The following PCDHA7 variants were observed in gnomAD, a reference collection of about 807,000 sequenced individuals.
PCDHA7 encodes the protein protocadherin alpha-7.
In PCDHA7, 37 loss-of-function variants were observed where a neutral mutation model predicts 57.2. The ratio of observed to expected loss-of-function variants is 0.65; its 90% CI spans 0.50 to 0.85. The LOEUF is 0.85. Ranked by LOEUF, PCDHA7 falls within the 40% of genes least tolerant of loss-of-function variation. The pLI, the probability that PCDHA7 is intolerant of heterozygous loss-of-function variation, is 0.00. For synonymous variants in PCDHA7, 553 were observed against 558.8 expected (o/e 0.99, Z 0.15); for missense variants, 1,188 against 1,241.8 (o/e 0.96, Z 0.65).
chr5:140,994,190 C>G (rs1377695035), intron 3 of PCDHA7, among the ~76,000 whole-genome samples: 1 of 152,136 alleles, frequency 6.6e-6, no homozygotes, highest in Non-Finnish European at 1.5e-5. Context: ...ACCACCAGGG[C>G]CTGTTGGTCC....
intron 1 of PCDHA7, chr5:140,841,116 TA>T: frequency 1.6e-6 from 1 of 615,476 alleles, no homozygotes; most frequent in Non-Finnish European, 2.8e-6. Flanking sequence ...GTAATTCATG[TA>T]ATCATTACCT....
At chr5:140,870,426 C>T in intron 1 of PCDHA7, 2 of 1,614,208 alleles carry the variant, frequency 1.2e-6, no homozygotes, top group South Asian at 2.2e-5. Context: ...CCAGGGTATC[C>T]GTGGAGGTGG....
intron 1 of PCDHA7, among the ~76,000 whole-genome samples, chr5:140,974,881 C>A (rs191346198): frequency 6.6e-6 from 1 of 152,228 alleles, no homozygotes; most frequent in African/African-American, 2.4e-5. Flanking sequence ...GTCTATGTAT[C>A]CCTTTTCTGA....
chr5:140,972,152 A>AT (rs1203762947), intron 1 of PCDHA7, among the ~76,000 whole-genome samples: 3 of 151,770 alleles, frequency 2.0e-5, no homozygotes, highest in East Asian at 3.9e-4. Context: ...TTTTATTTTT[A>AT]TTTTTTTGAG....
rs2150237925 is a variant in PCDHA7 at position 140,835,548 on chromosome 5, C to T, written c.1165C>T (p.Leu389=). The T allele has an allele frequency of 3.1e-6, 5 of 1,613,950 alleles. No individual in the cohort carries two copies. The South Asian group carries it at 3.3e-5, about 11-fold the overall frequency. The change falls in exon 1 of 4, where the codon CTG becomes TTG. Residue 389 remains leucine, a synonymous_variant. Transcript: ENST00000525929. The stretch of plus-strand genomic sequence containing the variant: ...AGTCAACGGACAGGTTACCTGCTCC[C>T]TGACGCCCCGCGTTCCCTTCAAGTT... ...FGVNGQVTCS[L]TPRVPFKLVS...
chr5:140,866,646 A>G (rs2049474250), intron 1 of PCDHA7: 1 of 152,112 alleles, frequency 6.6e-6, no homozygotes, highest in Admixed American at 6.5e-5. Context: ...GTCAAAATTT[A>G]TTTATGTGTT....
At chr5:140,852,693 C>G in intron 1 of PCDHA7, 2 of 973,482 alleles carry the variant, frequency 2.1e-6, no homozygotes, top group Non-Finnish European at 2.5e-6. Flanking sequence ...TAGTCTTATA[C>G]TTTCAAGTAT....
Position 140,836,745 on chromosome 5 carries a change from C to T in PCDHA7, c.2355+7C>T. 6.3e-7 allele frequency: 1 copy of T among 1,588,116 alleles called. No individual in the cohort carries two copies. The highest frequency in any genetic ancestry group is 8.6e-7 in the Non-Finnish European group (1 of 1,169,492). ...TCCATCCTCTACAGACAATGTGAGTCATAAATAATCTTGTTTCCAACAATT... is the reference window on the plus strand; with the variant it reads ...TCCATCCTCTACAGACAATGTGAGTTATAAATAATCTTGTTTCCAACAATT... On this transcript the variant is annotated splice_region_variant and intron_variant, in intron 1 of 3. Coordinates refer to ENST00000525929, the MANE Select transcript of PCDHA7 (RefSeq NM_018910.3).
intron 1 of PCDHA7, chr5:140,853,385 A>C (rs2042733783): frequency 3.0e-6 from 3 of 986,050 alleles, no homozygotes; most frequent in Non-Finnish European, 3.7e-6. Flanking sequence ...AATTCAAAAC[A>C]GCCTGTCAAG....
intron 1 of PCDHA7, among the ~76,000 whole-genome samples, chr5:140,974,086 A>G (rs1554235813): frequency 2.6e-5 from 4 of 152,256 alleles, no homozygotes; most frequent in Non-Finnish European, 5.9e-5. Context: ...CATGACTTCA[A>G]AAATCAAAGG....
At chr5:140,964,699 G>A (rs2095849795) in intron 1 of PCDHA7, among the ~76,000 whole-genome samples, 1 of 151,922 alleles carries the variant, frequency 6.6e-6, no homozygotes, top group Non-Finnish European at 1.5e-5. Context: ...GAGAGATTAA[G>A]GCCTCCGAGA....
Position 140,870,071 on chromosome 5 carries a change from A to G in PCDHA7, c.2355+33333A>G, listed in dbSNP as rs782336770. Reference sequence around the variant, plus strand: ...TATAAAATTGAAGTACAGGCTACAGATAAGGGGACTCCCCCAATGGCAGGT... The same window carrying G: ...TATAAAATTGAAGTACAGGCTACAGGTAAGGGGACTCCCCCAATGGCAGGT... On this transcript the variant is annotated intron_variant, in intron 1 of 3. Coordinates refer to ENST00000525929, the MANE Select transcript of PCDHA7 (RefSeq NM_018910.3). 13 of 1,613,778 alleles carry G rather than the reference A, an allele frequency of 8.1e-6. No homozygotes were observed. The highest frequency in any genetic ancestry group is 1.3e-5 in the African/African-American group (1 of 74,950).
intron 1 of PCDHA7, chr5:140,851,237 G>C (rs782702575): frequency 3.6e-6 from 4 of 1,101,536 alleles, no homozygotes; most frequent in Non-Finnish European, 4.6e-6. Flanking sequence ...TTTATTTATT[G>C]CTAAATGATG....
chr5:140,919,424 T>G (rs1222822099), intron 1 of PCDHA7, among the ~76,000 whole-genome samples: 7 of 152,218 alleles, frequency 4.6e-5, no homozygotes, highest in Non-Finnish European at 2.9e-5. Context: ...CAATTCTGCC[T>G]TTTGATTGGG....
Position 141,009,659 on chromosome 5 carries a change from G to A in PCDHA7, c.2536G>A (p.Gly846Ser), listed in dbSNP as rs781996586. 3.0e-5 allele frequency: 48 copies of A among 1,613,808 alleles called. No individual in the cohort carries two copies. Among genetic ancestry groups the A allele is most frequent in the East Asian group, 4.5e-5 (2 of 44,878 alleles). The change falls in exon 4 of 4, where the codon GGT becomes AGT. Residue 846 changes from glycine (G) to serine (S), a missense_variant. Coordinates refer to ENST00000525929, the MANE Select transcript of PCDHA7 (RefSeq NM_018910.3). ...GGCAGGAGAAGTGTCCCCTCCAGTC[G>A]GTGCGGGTGTCAACAGCAACAGCTG... is the stretch of plus-strand genomic sequence containing the variant. ...PEAGEVSPPV[G>S]AGVNSNSWTF...
At chr5:140,929,554 C>T (rs899446101) in intron 1 of PCDHA7, 4 of 488,414 alleles carry the variant, frequency 8.2e-6, no homozygotes, top group Non-Finnish European at 1.4e-5. Context: ...AAAATTAAAA[C>T]CTATTTAAGA....
In PCDHA7 at chr5:140,938,408, G is replaced by A. The variant is rs115039361; in HGVS notation, c.2356-40541G>A. Among the ~76,000 whole-genome samples, 826 of 151,992 alleles carry A rather than the reference G, an allele frequency of 5.4e-3. 3 individuals are homozygous for A. The highest frequency in any genetic ancestry group is 0.019 in the African/African-American group (797 of 41,474). ...TAATATGAAATACATTGTTTGATTG[G>A]GTTTATTTGCAAAAATCCTTTATCA... On this transcript the variant is annotated intron_variant, in intron 1 of 3. Coordinates refer to ENST00000525929, the MANE Select transcript of PCDHA7 (RefSeq NM_018910.3).
At chr5:140,966,950 G>A (rs782713044) in intron 1 of PCDHA7, 3 of 1,603,480 alleles carry the variant, frequency 1.9e-6, no homozygotes, top group Non-Finnish European at 2.5e-6. Flanking sequence ...GGGCAACGTG[G>A]CTCGCGCGCT....
At chr5:140,925,978 T>G (rs2082847274) in intron 1 of PCDHA7, among the ~76,000 whole-genome samples, 1 of 152,164 alleles carries the variant, frequency 6.6e-6, no homozygotes, top group Admixed American at 6.5e-5. Flanking sequence ...AAAAAAGCCT[T>G]GAGCTCGCTG....
Sources: allele counts gnomAD v4.1 joint callset (sites outside exome capture counted in the v4.1 genomes callset), GRCh38; gene constraint gnomAD v4.1.1; transcripts MANE v1.5; gene names NCBI Gene and HGNC (gene_info 2026-07-23, HGNC 2026-07-21).